The following ZNF143 variants were observed in gnomAD, a reference collection of about 807,000 sequenced individuals.
ZNF143 encodes zinc finger protein 143, also known as SPH-binding factor.
A neutral mutation model predicts 74.1 loss-of-function variants in ZNF143; 49 were observed. That is an observed-to-expected ratio of 0.66 (90% CI 0.53 to 0.84). The LOEUF is 0.84. Ranked by LOEUF, ZNF143 falls within the 40% of genes least tolerant of loss-of-function variation. The pLI is 0.00. For synonymous variants in ZNF143, 304 were observed against 282.8 expected (o/e 1.07, Z -0.75); for missense variants, 637 against 793.4 (o/e 0.80, Z 2.37).
chr11:9,493,155 C>T (rs373361665), intron 7 of ZNF143, among the ~76,000 whole-genome samples: 14 of 151,126 alleles, frequency 9.3e-5, no homozygotes, highest in Non-Finnish European at 1.3e-4. Context: ...CTGTAACCTC[C>T]GCCTCCCAGG....
At chr11:9,479,631 C>G in intron 7 of ZNF143, 85 bp downstream of exon 7, 3 of 1,063,584 alleles carry the variant, frequency 2.8e-6, no homozygotes, top group Non-Finnish European at 4.2e-6. Context: ...AGGTAACTCA[C>G]TACCTCTCTA....
chr11:9,474,865 G>GT (rs925657490), intron 5 of ZNF143, among the ~76,000 whole-genome samples: 1 of 152,208 alleles, frequency 6.6e-6, no homozygotes, highest in Non-Finnish European at 1.5e-5. Context: ...AAGACTTAAA[G>GT]TAGAGGCCAC....
chr11:9,473,273 C>T (rs1856690245), intron 3 of ZNF143, among the ~76,000 whole-genome samples: 1 of 151,900 alleles, frequency 6.6e-6, no homozygotes, highest in Non-Finnish European at 1.5e-5. Flanking sequence ...TGCCTGTAAT[C>T]CCAGCTACTC....
At chr11:9,508,944 T>C in intron 12 of ZNF143, 98 bp downstream of exon 12, 1 of 1,236,682 alleles carries the variant, frequency 8.1e-7, no homozygotes, top group South Asian at 1.4e-5. Context: ...TCCTAATGTG[T>C]CATTCGTATA....
At chr11:9,469,174 A>G (rs1273884780) in intron 1 of ZNF143, among the ~76,000 whole-genome samples, 1 of 149,214 alleles carries the variant, frequency 6.7e-6, no homozygotes, top group Non-Finnish European at 1.5e-5. Context: ...TCTTTTTGTA[A>G]CTGAAAATTA....
In ZNF143 at chr11:9,466,452, C is replaced by T. The variant is rs893044678; in HGVS notation, c.-7-4850C>T. Among the ~76,000 whole-genome samples, 12 of 151,270 alleles carry T rather than the reference C, an allele frequency of 7.9e-5. No individual in the cohort carries two copies. The East Asian group carries it at 2.1e-3, about 27-fold the overall frequency. Reference sequence around the variant, plus strand: ...CTGGGATTACAGGCGTCTGCCACCACGCCTGGCTAATTTTTGTATTTTTAG... The same window carrying T: ...CTGGGATTACAGGCGTCTGCCACCATGCCTGGCTAATTTTTGTATTTTTAG... On this transcript the variant is annotated intron_variant, in intron 1 of 15. Coordinates refer to ENST00000396602, the MANE Select transcript of ZNF143 (RefSeq NM_003442.6).
chr11:9,480,469 CCTTGAGCATTAACATGACCA>C (rs1487092761), intron 7 of ZNF143, among the ~76,000 whole-genome samples: 1 of 151,940 alleles, frequency 6.6e-6, no homozygotes, highest in Non-Finnish European at 1.5e-5. Context: ...ACATTTATAA[CCTTGAGCATTAACATGACCA>C]CTTAGTGACA....
At chr11:9,481,534 A>G (rs970993086) in intron 7 of ZNF143, among the ~76,000 whole-genome samples, 15 of 152,174 alleles carry the variant, frequency 9.9e-5, no homozygotes, top group Non-Finnish European at 1.9e-4. Flanking sequence ...TGGCCCAATA[A>G]GTTCTCTGTC....
chr11:9,478,579 C>G lies in ZNF143; in HGVS notation c.563C>G (p.Ala188Gly). Residue 188 changes from alanine to glycine, a missense_variant, in exon 6 of 16, where the codon GCA becomes GGA. This residue lies in a region of ZNF143 where 293 missense variants were observed against 307.8 expected (regional missense o/e 0.95). Coordinates refer to ENST00000396602, the MANE Select transcript of ZNF143 (RefSeq NM_003442.6). The stretch of plus-strand genomic sequence containing the variant: ...ACCATCAGTGCTTTGGAACAGTATG[C>G]AGCAAAGGTATAGCATTTCACAATG... ...PDTISALEQYAAKVSIDGSES... is the reference protein window; with the variant it reads ...PDTISALEQYGAKVSIDGSES... The G allele has an allele frequency of 1.9e-6, 3 of 1,613,094 alleles. No individual in the cohort carries two copies. Among genetic ancestry groups the G allele is most frequent in the Non-Finnish European group, 2.5e-6 (3 of 1,179,186 alleles).
In ZNF143 at chr11:9,525,346, C is replaced by A; in HGVS notation, c.1793C>A (p.Thr598Asn). Reference protein sequence around the residue: ...HLVTTETRPLTLVATSNGTQI... With the variant: ...HLVTTETRPLNLVATSNGTQI... ...GTAACCACAGAAACCAGACCTCTGA[C>A]CTTAGTAGCAACATCCAATGGCACC... The change falls in exon 15 of 16, where the codon ACC becomes AAC. Residue 598 changes from threonine (T) to asparagine (N), a missense_variant. By Grantham distance (65) the Thr-to-Asn change is moderately conservative. This residue lies in a region of ZNF143 where 344 missense variants were observed against 485.6 expected (regional missense o/e 0.71). Coordinates refer to ENST00000396602, the MANE Select transcript of ZNF143 (RefSeq NM_003442.6). The A allele has an allele frequency of 6.2e-7, 1 of 1,614,198 alleles. No individual in the cohort carries two copies. Among genetic ancestry groups the A allele is most frequent in the African/African-American group, 1.3e-5 (1 of 75,040 alleles).
chr11:9,526,270 C>T (rs768122923), intron 15 of ZNF143, among the ~76,000 whole-genome samples: 9 of 151,626 alleles, frequency 5.9e-5, no homozygotes, highest in Non-Finnish European at 1.2e-4. Context: ...GGAAGGATCA[C>T]TTGAGCAAGG....
At chr11:9,461,154 C>T (rs1039973819) in intron 1 of ZNF143, 78 bp downstream of exon 1, 2 of 903,694 alleles carry the variant, frequency 2.2e-6, no homozygotes, top group African/African-American at 1.8e-5. Context: ...CGGCGCGGGC[C>T]CGCTTGGGCC....
At chr11:9,484,340 C>T (rs1164732805) in intron 7 of ZNF143, among the ~76,000 whole-genome samples, 1 of 150,990 alleles carries the variant, frequency 6.6e-6, no homozygotes, top group African/African-American at 2.5e-5. Flanking sequence ...ATCACAGGAG[C>T]GTGCCACCAT....
chr11:9,484,729 C>G (rs931165991), intron 7 of ZNF143, among the ~76,000 whole-genome samples: 1 of 150,016 alleles, frequency 6.7e-6, no homozygotes, highest in Admixed American at 6.6e-5. Flanking sequence ...CTCCTGACCT[C>G]CAGTGATCCA....
At chr11:9,491,168 T>C (rs1847758924) in intron 7 of ZNF143, among the ~76,000 whole-genome samples, 1 of 152,152 alleles carries the variant, frequency 6.6e-6, no homozygotes, top group African/African-American at 2.4e-5. Flanking sequence ...GAGGATTCCT[T>C]GAACCCAAGA....
intron 13 of ZNF143, among the ~76,000 whole-genome samples, chr11:9,513,473 C>T (rs569992177): frequency 6.6e-6 from 1 of 152,326 alleles, no homozygotes; most frequent in Non-Finnish European, 1.5e-5. Context: ...ATTAGATCAT[C>T]ACATACAGAG....
chr11:9,509,851 C>A (rs550950722), intron 12 of ZNF143, among the ~76,000 whole-genome samples: 1 of 152,174 alleles, frequency 6.6e-6, no homozygotes, highest in African/African-American at 2.4e-5. Flanking sequence ...TGGGGAGATA[C>A]TGGTCAAAGA....
intron 5 of ZNF143, among the ~76,000 whole-genome samples, chr11:9,475,554 C>T (rs1354807768): frequency 3.3e-5 from 5 of 152,186 alleles, no homozygotes; most frequent in Admixed American, 1.3e-4. Context: ...GCAGTGGGGT[C>T]ACAGACATGA....
rs373920789 is a variant in ZNF143 at position 9,497,703 on chromosome 11, T to C, written c.870T>C (p.Thr290=). The change falls in exon 10 of 16, where the codon ACT becomes ACC. Residue 290 remains threonine, a synonymous_variant. Coordinates refer to ENST00000396602, the MANE Select transcript of ZNF143 (RefSeq NM_003442.6). ...TGYGLKSHVR[T]HTGEKPYRCS... is the part of the protein sequence containing the mutation. Reference sequence around the variant, plus strand: ...ATGGATTAAAAAGTCACGTCAGAACTCATACAGGAGAAAAGCCATATCGGT... The same window carrying C: ...ATGGATTAAAAAGTCACGTCAGAACCCATACAGGAGAAAAGCCATATCGGT... 1 of 1,607,034 alleles carries C rather than the reference T, an allele frequency of 6.2e-7. No individual in the cohort carries two copies. The highest frequency in any genetic ancestry group is 1.3e-5 in the African/African-American group (1 of 74,590).
Sources: gnomAD v4.1 joint callset for allele counts (sites outside exome capture counted in the v4.1 genomes callset) on GRCh38, gnomAD v4.1.1 for gene constraint, gnomAD v4.1.1 regional missense constraint, MANE v1.5 for transcripts, NCBI Gene and HGNC (gene_info 2026-07-23, HGNC 2026-07-21) for gene names.